The following TMEM178B variants were observed in gnomAD, a reference collection of about 807,000 sequenced individuals.
TMEM178B encodes transmembrane protein 178B.
In TMEM178B, 5 loss-of-function variants were observed where a neutral mutation model predicts 31.0. The ratio of observed to expected loss-of-function variants is 0.16; its 90% confidence interval spans 0.08 to 0.34. The LOEUF (loss-of-function observed/expected upper bound fraction) is 0.34. Ranked by LOEUF, TMEM178B falls within the 10% of genes least tolerant of loss-of-function variation. TMEM178B has a pLI of 1.00. For missense variants in TMEM178B, 275 were observed against 400.3 expected (o/e 0.69, Z 2.67); for synonymous variants, 164 against 164.0 (o/e 1.00, Z 0.00).
At chr7:141,154,131 C>T (rs768067080) in intron 1 of TMEM178B, among the ~76,000 whole-genome samples, 8 of 152,212 alleles carry the variant, frequency 5.3e-5, no homozygotes, top group Non-Finnish European at 8.8e-5. Flanking sequence ...TTTTTAAATG[C>T]GGTCAGCTGG....
At chr7:141,116,638 G>A (rs1319151619) in intron 1 of TMEM178B, among the ~76,000 whole-genome samples, 1 of 151,972 alleles carries the variant, frequency 6.6e-6, no homozygotes, top group African/African-American at 2.4e-5. Context: ...TCTACACTAG[G>A]TATTTCTCCT....
chr7:141,174,288 G>T (rs539656877), intron 1 of TMEM178B, among the ~76,000 whole-genome samples: 1 of 152,284 alleles, frequency 6.6e-6, no homozygotes, highest in African/African-American at 2.4e-5. Flanking sequence ...CAAAGGACAT[G>T]AACTCATCCT....
intron 2 of TMEM178B, among the ~76,000 whole-genome samples, chr7:141,392,006 G>A (rs974186145): frequency 1.3e-5 from 2 of 151,626 alleles, no homozygotes; most frequent in African/African-American, 4.8e-5. Context: ...GAAAATATCT[G>A]TTGGAATCCC....
At chr7:141,390,300 C>T (rs929437594) in intron 2 of TMEM178B, among the ~76,000 whole-genome samples, 4 of 152,180 alleles carry the variant, frequency 2.6e-5, no homozygotes, top group African/African-American at 7.2e-5. Flanking sequence ...ACTCTTTTAT[C>T]ACAGGCACTG....
chr7:141,205,746 T>C (rs889093810), intron 1 of TMEM178B, among the ~76,000 whole-genome samples: 3 of 152,240 alleles, frequency 2.0e-5, no homozygotes, highest in Non-Finnish European at 2.9e-5. Flanking sequence ...CCCTGCTTAA[T>C]ATATATTACC....
chr7:141,353,296 C>G (rs548717114), intron 2 of TMEM178B, among the ~76,000 whole-genome samples: 2 of 152,316 alleles, frequency 1.3e-5, no homozygotes, highest in African/African-American at 2.4e-5. Flanking sequence ...TCCTAAGGAT[C>G]TTTCCAGCCT....
chr7:141,497,200 A>G, the TMEM178B span, among the ~76,000 whole-genome samples: 2 of 152,188 alleles, frequency 1.3e-5, no homozygotes, highest in Non-Finnish European at 2.9e-5. Flanking sequence ...TCACAGAGAG[A>G]GACCTCAGGC....
chr7:141,212,123 G>C (rs143938794), intron 1 of TMEM178B, among the ~76,000 whole-genome samples: 1 of 152,216 alleles, frequency 6.6e-6, no homozygotes, highest in East Asian at 1.9e-4. Context: ...GGTGAGGTTG[G>C]GAGGATGAGG....
chr7:141,279,610 GGCAAAATCTA>G (rs113635108), intron 2 of TMEM178B, among the ~76,000 whole-genome samples: 47 of 152,338 alleles, frequency 3.1e-4, no homozygotes, highest in African/African-American at 1.0e-3. Context: ...CCCTTAGCAA[GGCAAAATCTA>G]GCAAGCTGGA....
Position 141,437,592 on chromosome 7 carries a change from G to A in TMEM178B, c.497-16G>A, listed in dbSNP as rs557312560. On this transcript the variant is annotated splice_polypyrimidine_tract_variant and intron_variant, in intron 2 of 3. Coordinates refer to ENST00000565468, the MANE Select transcript of TMEM178B (RefSeq NM_001195278.2). ...CAGGCTCTGCTGCTGACTGTTGCTC[G>A]CCTGCTTCCCCACAGACCTGCGCAG... The A allele has an allele frequency of 6.7e-5, 103 of 1,535,644 alleles. 1 individual carries two copies. The African/African-American group carries it at 7.8e-4, about 12-fold the overall frequency.
intron 2 of TMEM178B, among the ~76,000 whole-genome samples, chr7:141,229,011 A>ATTTTT (rs1388706357): frequency 1.2e-5 from 1 of 85,464 alleles, no homozygotes; most frequent in African/African-American, 5.5e-5. Context: ...AGTCAGTACT[A>ATTTTT]TCTTTTTTTT....
chr7:141,179,761 C>T (rs891670324), intron 1 of TMEM178B, among the ~76,000 whole-genome samples: 10 of 152,160 alleles, frequency 6.6e-5, no homozygotes, highest in Non-Finnish European at 1.3e-4. Flanking sequence ...TCCTCTGTCC[C>T]GAGGGCCATG....
intron 2 of TMEM178B, among the ~76,000 whole-genome samples, chr7:141,312,031 C>G (rs1042435677): frequency 4.6e-5 from 7 of 152,216 alleles, no homozygotes; most frequent in East Asian, 3.8e-4. Flanking sequence ...TTTCTGCCAT[C>G]CCTACCTCAA....
At chr7:141,209,995 G>A (rs1563118427) in intron 1 of TMEM178B, among the ~76,000 whole-genome samples, 1 of 152,066 alleles carries the variant, frequency 6.6e-6, no homozygotes, top group African/African-American at 2.4e-5. Context: ...CCAACAGAGG[G>A]CCTGTGAACG....
chr7:141,146,579 G>A (rs1026878855), intron 1 of TMEM178B, among the ~76,000 whole-genome samples: 1 of 152,160 alleles, frequency 6.6e-6, no homozygotes, highest in Non-Finnish European at 1.5e-5. Context: ...AAAAGAGTTA[G>A]TACAAGCACA....
chr7:141,442,070 T>C (rs557017370), intron 3 of TMEM178B, among the ~76,000 whole-genome samples: 7 of 152,322 alleles, frequency 4.6e-5, no homozygotes, highest in Admixed American at 1.3e-4. Context: ...AGGAACAGGA[T>C]GCCACCAGGG....
chr7:141,328,210 C>T (rs935231965), intron 2 of TMEM178B, among the ~76,000 whole-genome samples: 9 of 152,136 alleles, frequency 5.9e-5, no homozygotes, highest in African/African-American at 1.7e-4. Flanking sequence ...GCACAGACCC[C>T]GTTATTGTGA....
chr7:141,247,660 G>A (rs1300842014), intron 2 of TMEM178B, among the ~76,000 whole-genome samples: 1 of 152,196 alleles, frequency 6.6e-6, no homozygotes, highest in Non-Finnish European at 1.5e-5. Context: ...AGAAGAATGG[G>A]AGAGAACTTC....
intron 1 of TMEM178B, among the ~76,000 whole-genome samples, chr7:141,097,846 G>T: frequency 7.1e-6 from 1 of 140,750 alleles, no homozygotes. Context: ...AGGATGGAGT[G>T]CAGTGGAACG....
Sources: gnomAD v4.1 joint callset for allele counts (sites outside exome capture counted in the v4.1 genomes callset) on GRCh38, gnomAD v4.1.1 for gene constraint, MANE v1.5 for transcripts, NCBI Gene and HGNC (gene_info 2026-07-23, HGNC 2026-07-21) for gene names.